DPH6: variants seen among roughly 807,000 people sequenced by gnomAD.
DPH6 encodes diphthine--ammonia ligase.
In DPH6, 33 loss-of-function variants were observed where a neutral mutation model predicts 38.2. The observed-to-expected ratio is 0.86, with a 90% CI of 0.65 to 1.15. The LOEUF (loss-of-function observed/expected upper bound fraction) is 1.15. Ranked by LOEUF, DPH6 falls within the 50% of genes most tolerant of loss-of-function variation. The pLI, the probability that DPH6 is intolerant of heterozygous loss-of-function variation, is 0.00. For missense variants in DPH6, 325 were observed against 320.0 expected, an observed-to-expected ratio of 1.02 and a Z score of -0.12; for synonymous variants, 108 against 103.0, an observed-to-expected ratio of 1.05 and a Z score of -0.30.
chr15:35,180,123 G>A, the DPH6 span, among the ~76,000 whole-genome samples: 2 of 151,982 alleles, frequency 1.3e-5, no homozygotes, highest in African/African-American at 4.8e-5. Context: ...GAGAGAAGGT[G>A]ACTGTCATTT....
intron 3 of DPH6, among the ~76,000 whole-genome samples, chr15:35,483,040 C>T (rs74622121): frequency 0.23 from 35,439 of 151,500 alleles, 6,694 homozygotes; most frequent in African/African-American, 0.53. Context: ...TTCTAACAAC[C>T]GAATAAGAAT....
chr15:35,336,570 C>A (rs956074325), intron 3 of DPH6, among the ~76,000 whole-genome samples: 1 of 152,036 alleles, frequency 6.6e-6, no homozygotes, highest in Non-Finnish European at 1.5e-5. Flanking sequence ...CAGTATGATA[C>A]TGGCTGTGGG....
chr15:35,459,670 G>A (rs8028383), intron 3 of DPH6, among the ~76,000 whole-genome samples: 2,993 of 152,216 alleles, frequency 0.02, 95 homozygotes, highest in African/African-American at 0.067. Flanking sequence ...AGGGCTGAGT[G>A]GAAGACACCG....
rs72703129 is a variant in DPH6 at position 35,331,749 on chromosome 15, C to T, written n.208-672G>A. Among the ~76,000 whole-genome samples the T allele has an allele frequency of 1.8e-3, 269 of 152,224 alleles. 1 individual carries two copies. The highest frequency in any genetic ancestry group is 5.0e-3 in the East Asian group (26 of 5,182). On this transcript the variant is annotated intron_variant and non_coding_transcript_variant, in intron 3 of 3. Coordinates refer to the DPH6 transcript ENST00000558973. ...TTTCTGAGGAACTCTGTAGAATGTG[C>T]CCTAAAATTGTTCATCCGAAGGATG...
exon 4 of DPH6, chr15:35,217,978 T>C (rs1011267018): frequency 6.6e-6 from 1 of 152,190 alleles, no homozygotes; most frequent in African/African-American, 2.4e-5. Flanking sequence ...GCTATGTAAA[T>C]AGTTGTTATA....
intron 3 of DPH6, among the ~76,000 whole-genome samples, chr15:35,361,998 GTTTC>G (rs2052618300): frequency 6.6e-6 from 1 of 151,808 alleles, no homozygotes; most frequent in Non-Finnish European, 1.5e-5. Flanking sequence ...ATGTTTCCCT[GTTTC>G]TTTATGTGTC....
At chr15:35,491,690 T>C (rs909338230) in intron 3 of DPH6, among the ~76,000 whole-genome samples, 6 of 138,660 alleles carry the variant, frequency 4.3e-5, no homozygotes, top group Non-Finnish European at 7.9e-5. Flanking sequence ...TGTATGTATA[T>C]ACACACATAT....
In DPH6 at chr15:35,317,590, C is replaced by CAAAAAAAAAAAAGAAA. The variant is rs61113463; in HGVS notation, n.200+55915_200+55930dup. On this transcript the variant is annotated intron_variant and non_coding_transcript_variant, in intron 3 of 3. Coordinates refer to the DPH6 transcript ENST00000560386. ...ATATACTAACATGAGTTCTGCTGGA[C>CAAAAAAAAAAAAGAAA]AAAAAAAAAAAAGAAAAAAAGAAGA... is the stretch of plus-strand genomic sequence containing the variant. Among the ~76,000 whole-genome samples the CAAAAAAAAAAAAGAAA allele has an allele frequency of 1.9e-3, 140 of 73,758 alleles. 1 individual carries two copies. The highest frequency in any genetic ancestry group is 5.8e-3 in the African/African-American group (134 of 23,198). 48.4% of individuals were successfully genotyped at this position (73,758 alleles called of 152,430 possible).
At chr15:35,472,869 C>T (rs1056329266) in intron 3 of DPH6, among the ~76,000 whole-genome samples, 5 of 145,714 alleles carry the variant, frequency 3.4e-5, no homozygotes, top group Non-Finnish European at 7.5e-5. Flanking sequence ...CTAGCAAAGA[C>T]GTTCCAGAAT....
chr15:35,356,846 G>C (rs2052565245), intron 3 of DPH6, among the ~76,000 whole-genome samples: 1 of 152,208 alleles, frequency 6.6e-6, no homozygotes, highest in African/African-American at 2.4e-5. Flanking sequence ...AGAGGTTTCT[G>C]CTGTCTTTTG....
At chr15:35,319,530 C>G (rs941156737) in intron 3 of DPH6, among the ~76,000 whole-genome samples, 4 of 152,054 alleles carry the variant, frequency 2.6e-5, no homozygotes, top group Non-Finnish European at 5.9e-5. Flanking sequence ...CGCCTGAGGC[C>G]TGGAGTTCAA....
At chr15:35,535,674 G>A (rs1278453073) in intron 3 of DPH6, among the ~76,000 whole-genome samples, 1 of 152,018 alleles carries the variant, frequency 6.6e-6, no homozygotes, top group African/African-American at 2.4e-5. Context: ...AAGAACAGAA[G>A]TTACATTTTA....
At chr15:35,211,701 A>G in the DPH6 span, among the ~76,000 whole-genome samples, 1 of 152,202 alleles carries the variant, frequency 6.6e-6, no homozygotes, top group Non-Finnish European at 1.5e-5. Context: ...TGAACAAGGG[A>G]GTCCAGCCAG....
chr15:35,375,822 C>CAA (rs934714094), intron 7 of DPH6, among the ~76,000 whole-genome samples: 1 of 145,686 alleles, frequency 6.9e-6, no homozygotes, highest in African/African-American at 2.5e-5. Context: ...CCTCTCACCT[C>CAA]AAAAAAAAAA....
chr15:35,405,520 T>C (rs966195290), intron 6 of DPH6, among the ~76,000 whole-genome samples: 4 of 152,156 alleles, frequency 2.6e-5, no homozygotes, highest in Non-Finnish European at 4.4e-5. Context: ...TGTTGGCATA[T>C]AGACATGCTA....
At chr15:35,405,630 C>T (rs1348500791) in intron 6 of DPH6, among the ~76,000 whole-genome samples, 1 of 152,016 alleles carries the variant, frequency 6.6e-6, no homozygotes, top group Non-Finnish European at 1.5e-5. Flanking sequence ...TTGAAATATA[C>T]AATCATATCC....
chr15:35,356,189 C>G (rs534026580), intron 3 of DPH6, among the ~76,000 whole-genome samples: 1 of 152,128 alleles, frequency 6.6e-6, no homozygotes, highest in African/African-American at 2.4e-5. Context: ...GTCATGTAAT[C>G]TTTTCTCAAG....
intron 1 of DPH6, 31 bp downstream of exon 1, chr15:35,546,088 G>C (rs1323868750): frequency 1.5e-6 from 2 of 1,379,076 alleles, no homozygotes; most frequent in Non-Finnish European, 1.9e-6. Flanking sequence ...CCTGGCCTAG[G>C]AGGAAGGAGG....
chr15:35,360,663 C>A (rs904729397), intron 3 of DPH6, among the ~76,000 whole-genome samples: 3 of 152,176 alleles, frequency 2.0e-5, no homozygotes, highest in Non-Finnish European at 4.4e-5. Context: ...TAGCCAGATA[C>A]CTTAATGGTG....
Sources: gnomAD v4.1 joint callset for allele counts (sites outside exome capture counted in the v4.1 genomes callset) on GRCh38, gnomAD v4.1.1 for gene constraint, MANE v1.5 for transcripts, NCBI Gene and HGNC (gene_info 2026-07-23, HGNC 2026-07-21) for gene names.